The following ERG variants were observed in gnomAD, a reference collection of about 807,000 sequenced individuals.
ERG encodes the protein transcriptional regulator ERG.
In ERG, 9 loss-of-function variants were observed where a neutral mutation model predicts 55.3. The ratio of observed to expected loss-of-function variants is 0.16; its 90% CI spans 0.10 to 0.28. The LOEUF is 0.28. ERG is among the 10% of genes least tolerant of loss of function. The probability of loss-of-function intolerance (pLI) is 1.00; values close to 1 mark genes in which losing one functional copy is unlikely to be tolerated. For missense variants in ERG, 434 were observed against 631.6 expected, an observed-to-expected ratio of 0.69 and a Z score of 3.35; for synonymous variants, 223 against 237.3, an observed-to-expected ratio of 0.94 and a Z score of 0.55.
At chr21:38,578,615 C>T (rs551918471) in intron 1 of ERG, among the ~76,000 whole-genome samples, 3 of 152,158 alleles carry the variant, frequency 2.0e-5, no homozygotes, top group South Asian at 2.1e-4. Flanking sequence ...CAGATGCATG[C>T]GGGAGGATGA....
intron 1 of ERG, among the ~76,000 whole-genome samples, chr21:38,658,937 G>T (rs888498763): frequency 6.6e-6 from 1 of 152,176 alleles, no homozygotes; most frequent in African/African-American, 2.4e-5. Context: ...TTTAGCTAAA[G>T]ATTAAATCAC....
At chr21:38,450,354 G>C (rs1211924654) in intron 1 of ERG, among the ~76,000 whole-genome samples, 2 of 151,916 alleles carry the variant, frequency 1.3e-5, no homozygotes, top group Non-Finnish European at 2.9e-5. Flanking sequence ...CTCCAGCCGA[G>C]GTGACAGAGT....
rs8131575 is a variant in ERG, at chr21:38,407,646, T to A, written c.389-3937A>T. 4.7e-3 allele frequency among the ~76,000 whole-genome samples: 667 copies of A among 142,544 alleles called. 28 individuals carry two copies. Among genetic ancestry groups the A allele is most frequent in the African/African-American group, 0.016 (585 of 37,372 alleles). 93.5% of individuals were successfully genotyped at this position (142,544 alleles called of 152,430 possible). Reference sequence around the variant, plus strand: ...GGTCTTACAAAAGGTATATATATATTTAATGTATATTATATGTATACTATA... The same window carrying A: ...GGTCTTACAAAAGGTATATATATATATAATGTATATTATATGTATACTATA... On this transcript the variant is annotated intron_variant, in intron 3 of 9. Transcript: ENST00000288319.
Position 38,579,825 on chromosome 21 carries a change from CT to C in ERG, c.-126-4079del, listed in dbSNP as rs58558375. Among the ~76,000 whole-genome samples, 422 of 145,104 alleles carry C rather than the reference CT, an allele frequency of 2.9e-3. 5 individuals are homozygous for C. Among genetic ancestry groups the C allele is most frequent in the African/African-American group, 9.0e-3 (357 of 39,608 alleles). ...CCTCAACCCACACGGATCTCTGACT[CT>C]TTTTTTTTTTTTGAGACGGAGTCTC... On this transcript the variant is annotated intron_variant, in intron 1 of 8. Transcript: ENST00000398897.
At chr21:38,610,510 C>A (rs1240126622) in intron 1 of ERG, among the ~76,000 whole-genome samples, 1 of 140,656 alleles carries the variant, frequency 7.1e-6, no homozygotes, top group Non-Finnish European at 1.5e-5. Flanking sequence ...ACTAGTAGTC[C>A]ACGTGCGCGC....
At chr21:38,615,213 A>C (rs998683012) in intron 1 of ERG, among the ~76,000 whole-genome samples, 1 of 152,242 alleles carries the variant, frequency 6.6e-6, no homozygotes, top group Non-Finnish European at 1.5e-5. Context: ...AACTGCCTTT[A>C]GAATTAAACT....
chr21:38,579,752 C>T (rs899731209), intron 1 of ERG, among the ~76,000 whole-genome samples: 2 of 152,224 alleles, frequency 1.3e-5, no homozygotes, highest in African/African-American at 2.4e-5. Flanking sequence ...GAAAACCCAA[C>T]GGACCTAAAG....
Position 38,530,200 on chromosome 21 carries a change from T to C in ERG, c.-41+45462A>G, listed in dbSNP as rs557851386. Among the ~76,000 whole-genome samples the C allele has an allele frequency of 1.3e-5, 2 of 152,016 alleles. 1 individual carries two copies. Among genetic ancestry groups the C allele is most frequent in the South Asian group, 4.2e-4 (2 of 4,818 alleles). The stretch of plus-strand genomic sequence containing the variant: ...TTTGCCTCCTGAGTAGCTGAGACTA[T>C]AGGCGCACACCACCATGCCCAGCTA... On this transcript the variant is annotated intron_variant, in intron 2 of 8. Coordinates refer to the ERG transcript ENST00000398897.
chr21:38,640,800 T>C (rs1326471347), intron 1 of ERG, among the ~76,000 whole-genome samples: 3 of 152,194 alleles, frequency 2.0e-5, no homozygotes, highest in Non-Finnish European at 2.9e-5. Context: ...AACGCAGTGA[T>C]GTATCAACAA....
At chr21:38,549,964 G>C (rs752322507) in intron 2 of ERG, among the ~76,000 whole-genome samples, 9 of 152,164 alleles carry the variant, frequency 5.9e-5, no homozygotes, top group Non-Finnish European at 1.2e-4. Context: ...CCTCACAGCA[G>C]CCCATGGGGT....
At chr21:38,536,256 C>G (rs1020800605) in intron 2 of ERG, among the ~76,000 whole-genome samples, 1 of 151,702 alleles carries the variant, frequency 6.6e-6, no homozygotes, top group Non-Finnish European at 1.5e-5. Flanking sequence ...CCAGAGTCAT[C>G]AAGCCATATC....
chr21:38,465,749 A>G (rs999387939), intron 1 of ERG, among the ~76,000 whole-genome samples: 3 of 152,222 alleles, frequency 2.0e-5, no homozygotes, highest in African/African-American at 7.2e-5. Flanking sequence ...AAAATGAAGT[A>G]TTCCAATTAA....
chr21:38,586,893 T>C (rs1324780396), upstream of ERG, among the ~76,000 whole-genome samples: 1 of 152,156 alleles, frequency 6.6e-6, no homozygotes, highest in African/African-American at 2.4e-5. Flanking sequence ...TCAACCTAAG[T>C]GTCCATCAAC....
intron 3 of ERG, among the ~76,000 whole-genome samples, chr21:38,418,365 C>A (rs868219705): frequency 1.3e-5 from 2 of 151,418 alleles, no homozygotes; most frequent in Non-Finnish European, 2.9e-5. Flanking sequence ...TGGTTCACTG[C>A]AGCCTCAAAC....
intron 2 of ERG, among the ~76,000 whole-genome samples, chr21:38,437,511 C>T (rs1190850015): frequency 6.6e-6 from 1 of 152,182 alleles, no homozygotes; most frequent in African/African-American, 2.4e-5. Context: ...TTAAGATCCA[C>T]TGAGCTCAGG....
chr21:38,607,638 C>CA (rs937631230), intron 1 of ERG, among the ~76,000 whole-genome samples: 68 of 143,102 alleles, frequency 4.8e-4, no homozygotes, highest in East Asian at 2.6e-3. Flanking sequence ...GACTCCGTCT[C>CA]AAAAAAAAAA....
At chr21:38,581,020 C>T (rs1230006133) in intron 1 of ERG, among the ~76,000 whole-genome samples, 4 of 152,206 alleles carry the variant, frequency 2.6e-5, no homozygotes, top group African/African-American at 7.2e-5. Flanking sequence ...GCTCCCTGCT[C>T]ATCTTTCAGA....
At chr21:38,650,559 C>T (rs1194032901) in intron 1 of ERG, among the ~76,000 whole-genome samples, 1 of 152,110 alleles carries the variant, frequency 6.6e-6, no homozygotes, top group Non-Finnish European at 1.5e-5. Flanking sequence ...ATCGCTTGAA[C>T]CCAGGAGGCG....
At chr21:38,604,949 C>A (rs187322721) in intron 1 of ERG, among the ~76,000 whole-genome samples, 263 of 152,306 alleles carry the variant, frequency 1.7e-3, no homozygotes, top group African/African-American at 5.0e-3. Context: ...TCTTTTCTTG[C>A]TTGCTTCTTT....
Sources: allele counts gnomAD v4.1 joint callset (sites outside exome capture counted in the v4.1 genomes callset), GRCh38; gene constraint gnomAD v4.1.1; transcripts MANE v1.5; gene names NCBI Gene and HGNC (gene_info 2026-07-23, HGNC 2026-07-21).